VWF: variants seen among roughly 807,000 people sequenced by gnomAD.
VWF encodes von Willebrand factor.
A neutral mutation model predicts 308.6 loss-of-function variants in VWF; 176 were observed. That is an observed-to-expected ratio of 0.57 (90% confidence interval 0.50 to 0.65). The LOEUF (loss-of-function observed/expected upper bound fraction) is 0.65. VWF is among the 30% of genes least tolerant of loss of function. The pLI is 0.00. For missense variants in VWF, 3,146 were observed against 3,648.2 expected, an observed-to-expected ratio of 0.86 and a Z score of 3.55; for synonymous variants, 1,385 against 1,443.4, an observed-to-expected ratio of 0.96 and a Z score of 0.92.
intron 6 of VWF, among the ~76,000 whole-genome samples, chr12:6,087,429 G>A (rs1365047528): frequency 1.4e-5 from 2 of 148,034 alleles, no homozygotes; most frequent in East Asian, 4.1e-4. Context: ...TGCGATCTCG[G>A]CTCACTGCAA....
At chr12:6,104,145 T>TA (rs1945214099) in intron 5 of VWF, among the ~76,000 whole-genome samples, 1 of 151,988 alleles carries the variant, frequency 6.6e-6, no homozygotes, top group Admixed American at 6.6e-5. Context: ...AAGGAAGACA[T>TA]ACAAATATCT....
chr12:6,046,841 G>T lies in VWF; in HGVS notation c.2187-24C>A. Reference sequence around the variant, plus strand: ...AGCTGCAGAGAAGAAAATCATAGCCGAGCTTCACGAGACTCGTCTATACTC... The same window carrying T: ...AGCTGCAGAGAAGAAAATCATAGCCTAGCTTCACGAGACTCGTCTATACTC... On this transcript the variant is annotated intron_variant, in intron 16 of 51. Transcript: ENST00000261405. The surrounding 1 kb of genome is among the most constrained non-coding windows in gnomAD (Gnocchi z 5.0). 1 of 1,608,122 alleles carries T rather than the reference G, an allele frequency of 6.2e-7. No individual in the cohort carries two copies. Among genetic ancestry groups the T allele is most frequent in the Non-Finnish European group, 8.5e-7 (1 of 1,175,718 alleles).
chr12:6,108,964 G>A (rs58664620), intron 5 of VWF, among the ~76,000 whole-genome samples: 1,450 of 144,858 alleles, frequency 0.01, 29 homozygotes, highest in African/African-American at 0.035. Flanking sequence ...CTGGGTGACA[G>A]AGCGAGACTC....
Position 6,016,590 on chromosome 12 carries a change from T to A in VWF, c.5237A>T (p.Asn1746Ile). 6.2e-7 allele frequency: 1 copy of A among 1,614,168 alleles called. No homozygotes were observed. The highest frequency in any genetic ancestry group is 2.2e-5 in the East Asian group (1 of 44,876). The change falls in exon 30 of 52, where the codon AAC (asparagine) becomes ATC (isoleucine). Residue 1746 changes from asparagine to isoleucine, a missense_variant. Physicochemically the swap from Asn to Ile is moderately radical, Grantham distance 149 (BLOSUM62 -3). Around this residue, in one of 3 missense-constraint regions of VWF, gnomAD observed 853 missense variants for 1,177.8 expected, o/e 0.72. Transcript: ENST00000261405. The stretch of plus-strand genomic sequence containing the variant: ...CAAATGGGCTTTCTCCGGGACCACG[T>A]TCCATGGCACGTCAATGGTGGTGAT... The part of the protein sequence containing the change: ...GSITTIDVPW[N>I]VVPEKAHLLS...
At position 5,972,200 on chromosome 12, in the gene VWF, C is replaced by T. The variant is rs144272743; in HGVS notation, c.7438-491G>A. ...TCCCCAAGAGGTTACTTGACATTTA[C>T]CTAGTAATTTATAGGGTACGGTGTT... On this transcript the variant is annotated intron_variant, in intron 43 of 51. Transcript: ENST00000261405. Among the ~76,000 whole-genome samples the T allele has an allele frequency of 3.3e-5, 5 of 152,142 alleles. 1 individual carries two copies. The highest frequency in any genetic ancestry group is 6.5e-5 in the Admixed American group (1 of 15,272).
intron 38 of VWF, among the ~76,000 whole-genome samples, chr12:5,986,297 C>A (rs1368392403): frequency 6.6e-6 from 1 of 152,274 alleles, no homozygotes; most frequent in South Asian, 2.1e-4. Context: ...GTAAAATGAG[C>A]GTACTCAAGC....
chr12:6,035,908 T>C (rs535887325), intron 19 of VWF, among the ~76,000 whole-genome samples: 19 of 152,376 alleles, frequency 1.2e-4, no homozygotes, highest in African/African-American at 4.1e-4. Flanking sequence ...TACTTTCTGA[T>C]GGTTCAATGT....
intron 5 of VWF, among the ~76,000 whole-genome samples, chr12:6,102,580 C>G (rs1316428765): frequency 6.6e-6 from 1 of 151,620 alleles, no homozygotes; most frequent in Non-Finnish European, 1.5e-5. Flanking sequence ...ACTAAAAATA[C>G]AAAAATTAGC....
chr12:6,024,085 C>T lies in VWF; in HGVS notation c.3223-298G>A, dbSNP rs1487506730. ...CTCTGTCCCTCTGCCTACCTCCCTG[C>T]TCAGCCACCCATCTGTCCTCACAAC... is the stretch of plus-strand genomic sequence containing the variant. On this transcript the variant is annotated intron_variant, in intron 24 of 51. Coordinates refer to ENST00000261405, the MANE Select transcript of VWF (RefSeq NM_000552.5). The surrounding 1 kb of genome is among the most constrained non-coding windows in gnomAD (Gnocchi z 4.0). Among the ~76,000 whole-genome samples the T allele has an allele frequency of 2.0e-5, 3 of 152,240 alleles. No individual in the cohort carries two copies. The highest frequency in any genetic ancestry group is 4.8e-5 in the African/African-American group (2 of 41,456).
At position 5,983,335 on chromosome 12, in the gene VWF, C is replaced by T. The variant is rs191008410; in HGVS notation, c.6977-81G>A. 5.9e-4 allele frequency: 816 copies of T among 1,380,290 alleles called. 4 individuals are homozygous for T. Among genetic ancestry groups the T allele is most frequent in the African/African-American group, 4.3e-3 (301 of 70,014 alleles). The allele number at this position is 1,380,290 out of a possible 1,614,324, so 85.5% of individuals were successfully genotyped here. A position where few individuals can be genotyped will look rare whatever the true frequency, so the allele number is the denominator to read the frequency against. ...TACCTGTGAGTGGGATGCTACATTC[C>T]TATTCATGCAGACTTCTACTGTTTT... On this transcript the variant is annotated intron_variant, in intron 40 of 51. Coordinates refer to ENST00000261405, the MANE Select transcript of VWF (RefSeq NM_000552.5).
rs764099274 is a variant in VWF, at chr12:6,063,050, G to T, written c.1437C>A (p.Asp479Glu). 8.1e-6 allele frequency: 13 copies of T among 1,613,186 alleles called. No individual in the cohort carries two copies. The Admixed American group carries it at 2.2e-4, about 27-fold the overall frequency. The change falls in exon 13 of 52, where the codon GAC (aspartate) becomes GAA (glutamate). Residue 479 changes from aspartate to glutamate, a missense_variant. By Grantham distance (45) the Asp-to-Glu change is conservative (BLOSUM62 2). Transcript: ENST00000261405. The surrounding 1 kb of genome is among the most constrained non-coding windows in gnomAD (Gnocchi z 4.9). ...CCGTCACTGTATGCTGGATGCGGAG[G>T]TCACCTGGAACCCAGCAGGACAGGA... ...QDVQLPLLKGDLRIQHTVTAS... is the reference protein window; with the variant it reads ...QDVQLPLLKGELRIQHTVTAS...
intron 34 of VWF, among the ~76,000 whole-genome samples, chr12:6,011,081 G>A (rs1412598600): frequency 2.6e-5 from 4 of 152,142 alleles, no homozygotes; most frequent in African/African-American, 9.7e-5. Context: ...GCTGAGTCAT[G>A]GTCACCATAA....
In VWF at chr12:6,090,253, G is replaced by A. The variant is rs540429186; in HGVS notation, c.657+5207C>T. 7.2e-5 allele frequency among the ~76,000 whole-genome samples: 11 copies of A among 152,124 alleles called. 1 individual carries two copies. The highest frequency in any genetic ancestry group is 2.4e-4 in the African/African-American group (10 of 41,480). ...ATTACAGGCGTGAGCCACCGTGCCC[G>A]GCCGAAAATCTGTCCTCTCTTACAC... On this transcript the variant is annotated intron_variant, in intron 6 of 51. Coordinates refer to ENST00000261405, the MANE Select transcript of VWF (RefSeq NM_000552.5).
chr12:5,963,947 C>G (rs1404661297), intron 47 of VWF, among the ~76,000 whole-genome samples: 1 of 152,320 alleles, frequency 6.6e-6, no homozygotes, highest in Non-Finnish European at 1.5e-5. Flanking sequence ...GTGGCTCACG[C>G]CTGTAATCCC....
chr12:6,099,640 G>T (rs1945140064), intron 5 of VWF, among the ~76,000 whole-genome samples: 2 of 152,124 alleles, frequency 1.3e-5, no homozygotes, highest in Non-Finnish European at 2.9e-5. Context: ...AAGCAATGGG[G>T]AAGGGATTCC....
chr12:6,064,894 G>A (rs1441700422), intron 11 of VWF, among the ~76,000 whole-genome samples: 2 of 152,214 alleles, frequency 1.3e-5, no homozygotes, highest in African/African-American at 4.8e-5. Context: ...TCCACTGGGT[G>A]GGGAGCTGAG....
chr12:5,984,545 C>A (rs11063973), intron 40 of VWF, among the ~76,000 whole-genome samples: 2 of 152,206 alleles, frequency 1.3e-5, no homozygotes, highest in Non-Finnish European at 2.9e-5. Context: ...GGGACAAAGG[C>A]ACTAATGATT....
intron 6 of VWF, among the ~76,000 whole-genome samples, chr12:6,091,518 A>G (rs1367383770): frequency 6.6e-6 from 1 of 152,164 alleles, no homozygotes; most frequent in Non-Finnish European, 1.5e-5. Context: ...AGCCCAATCC[A>G]CAGAAACACA....
intron 35 of VWF, among the ~76,000 whole-genome samples, 153 bp from the exon 36 acceptor site, chr12:5,994,760 G>C (rs958511184): frequency 3.9e-5 from 6 of 152,162 alleles, no homozygotes; most frequent in Admixed American, 2.0e-4. Context: ...CTAAGATAAA[G>C]AAGAGCTTGA....
Sources: gnomAD v4.1 joint callset for allele counts (sites outside exome capture counted in the v4.1 genomes callset) on GRCh38, gnomAD v4.1.1 for gene constraint, gnomAD v4.1.1 regional missense constraint, Gnocchi (gnomAD v3.1) non-coding constraint, MANE v1.5 for transcripts, NCBI Gene and HGNC (gene_info 2026-07-23, HGNC 2026-07-21) for gene names.